MAPRE2: variants seen among roughly 807,000 people sequenced by gnomAD.
MAPRE2 encodes microtubule-associated protein RP/EB family member 2.
Under a neutral mutation model 43.2 loss-of-function variants are expected in MAPRE2, and 13 were observed. The observed-to-expected ratio is 0.30, with a 90% CI of 0.20 to 0.48. MAPRE2 has a LOEUF of 0.48. Ranked by LOEUF, MAPRE2 falls within the 20% of genes least tolerant of loss-of-function variation. The probability of loss-of-function intolerance (pLI) is 0.99; values close to 1 mark genes in which losing one functional copy is unlikely to be tolerated. For synonymous variants in MAPRE2, 135 were observed against 148.8 expected, an observed-to-expected ratio of 0.91 and a Z score of 0.68; for missense variants, 161 against 400.2, an observed-to-expected ratio of 0.40 and a Z score of 5.10.
At chr18:35,033,990 C>G (rs1288445193) in intron 2 of MAPRE2, among the ~76,000 whole-genome samples, 1 of 151,296 alleles carries the variant, frequency 6.6e-6, no homozygotes, top group Non-Finnish European at 1.5e-5. Flanking sequence ...CAATGACTTT[C>G]TTCACAGAAT....
chr18:35,079,589 C>A (rs187153813), intron 2 of MAPRE2, among the ~76,000 whole-genome samples: 2 of 152,292 alleles, frequency 1.3e-5, no homozygotes, highest in Admixed American at 1.3e-4. Context: ...TATAGCCATT[C>A]TAGATCTGCC....
Position 35,140,460 on chromosome 18 carries a change from C to T in MAPRE2, c.*91C>T. 1 of 1,217,930 alleles carries T rather than the reference C, an allele frequency of 8.2e-7. No individual in the cohort carries two copies. Among genetic ancestry groups the T allele is most frequent in the Middle Eastern group, 1.9e-4 (1 of 5,196 alleles). 75.4% of individuals were successfully genotyped at this position (1,217,930 alleles called of 1,614,324 possible). ...TGTGTGGCCCCAAGCTCAACAGAAACCAGTTGTTCCCAATCTGCCGTTACC... is the reference window on the plus strand; with the variant it reads ...TGTGTGGCCCCAAGCTCAACAGAAATCAGTTGTTCCCAATCTGCCGTTACC... On this transcript the variant is annotated 3_prime_UTR_variant, in exon 7 of 7. Transcript: ENST00000300249.
chr18:35,121,886 C>T (rs998215926), intron 4 of MAPRE2, among the ~76,000 whole-genome samples: 1 of 152,052 alleles, frequency 6.6e-6, no homozygotes, highest in Admixed American at 6.5e-5. Flanking sequence ...CAGATGGTAG[C>T]TCACATAAAA....
At chr18:35,119,290 G>T (rs1012915854) in intron 4 of MAPRE2, among the ~76,000 whole-genome samples, 1 of 152,146 alleles carries the variant, frequency 6.6e-6, no homozygotes, top group Non-Finnish European at 1.5e-5. Context: ...ACCCATAGTG[G>T]ATGCTTAGGC....
chr18:35,104,298 G>T (rs1908806742), intron 4 of MAPRE2, among the ~76,000 whole-genome samples: 1 of 152,160 alleles, frequency 6.6e-6, no homozygotes, highest in Admixed American at 6.6e-5. Flanking sequence ...AAGGGCTTGT[G>T]GAAGTGGAGG....
intron 2 of MAPRE2, among the ~76,000 whole-genome samples, chr18:35,036,259 C>G (rs2097050546): frequency 6.6e-6 from 1 of 151,992 alleles, no homozygotes; most frequent in Admixed American, 6.6e-5. Context: ...TGAGTTATAC[C>G]CCATGAATTT....
upstream of MAPRE2, among the ~76,000 whole-genome samples, chr18:35,038,180 C>T (rs1017049962): frequency 1.3e-5 from 2 of 152,164 alleles, no homozygotes; most frequent in Non-Finnish European, 2.9e-5. Context: ...TGTAAAGACA[C>T]TCCCTCCTGA....
Position 35,142,148 on chromosome 18 carries a change from T to C in MAPRE2, c.*1779T>C, listed in dbSNP as rs551340335. ...GACAGCCTGGCTCTCGGCAGTGACGTCCTCCCACACCTGGTCACAAGTAGT... is the reference window on the plus strand; with the variant it reads ...GACAGCCTGGCTCTCGGCAGTGACGCCCTCCCACACCTGGTCACAAGTAGT... On this transcript the variant is annotated 3_prime_UTR_variant, in exon 7 of 7. Coordinates refer to ENST00000300249, the MANE Select transcript of MAPRE2 (RefSeq NM_014268.4). The C allele has an allele frequency of 1.3e-5, 2 of 152,312 alleles. No individual in the cohort carries two copies. Among genetic ancestry groups the C allele is most frequent in the African/African-American group, 4.8e-5 (2 of 41,570 alleles). The allele number at this position is 152,312 out of a possible 1,614,324, so 9.4% of individuals were successfully genotyped here.
Position 35,055,690 on chromosome 18 carries a change from C to T in MAPRE2, c.122+14029C>T, listed in dbSNP as rs149667442. 1.0e-2 allele frequency among the ~76,000 whole-genome samples: 1,521 copies of T among 152,192 alleles called. 24 individuals are homozygous for T. The highest frequency in any genetic ancestry group is 0.035 in the African/African-American group (1,456 of 41,510). On this transcript the variant is annotated intron_variant, in intron 1 of 6. Coordinates refer to ENST00000300249, the MANE Select transcript of MAPRE2 (RefSeq NM_014268.4). ...GTTTAGGGCCAGATGTGGTGGCTCACGCCTGTAATCCTAGCCCTTTGGGAG... is the reference window on the plus strand; with the variant it reads ...GTTTAGGGCCAGATGTGGTGGCTCATGCCTGTAATCCTAGCCCTTTGGGAG...
intron 4 of MAPRE2, among the ~76,000 whole-genome samples, chr18:35,113,949 A>C (rs1909294067): frequency 6.6e-6 from 1 of 152,232 alleles, no homozygotes; most frequent in Non-Finnish European, 1.5e-5. Flanking sequence ...TATTGAGCAC[A>C]TATTAAGTGT....
At chr18:35,109,077 G>T (rs1909049961) in intron 4 of MAPRE2, among the ~76,000 whole-genome samples, 2 of 152,046 alleles carry the variant, frequency 1.3e-5, no homozygotes, top group African/African-American at 4.8e-5. Flanking sequence ...GTATTGCTTA[G>T]GTTTTCTTCT....
rs1354451150 is a variant in MAPRE2 at position 35,049,068 on chromosome 18, A to C, written c.122+7407A>C. ...CTTGTTTTTGTTTTGTTTTGCTTTA[A>C]AGACATTAATTTTTTGTTCTTTATT... is the stretch of plus-strand genomic sequence containing the variant. On this transcript the variant is annotated intron_variant, in intron 1 of 6. Coordinates refer to ENST00000300249, the MANE Select transcript of MAPRE2 (RefSeq NM_014268.4). Among the ~76,000 whole-genome samples the C allele has an allele frequency of 3.9e-5, 6 of 152,082 alleles. No individual in the cohort carries two copies. In the East Asian group the frequency reaches 1.2e-3, roughly 29 times the overall value.
intron 2 of MAPRE2, among the ~76,000 whole-genome samples, chr18:35,081,503 C>T (rs1438523619): frequency 6.6e-6 from 1 of 152,182 alleles, no homozygotes; most frequent in African/African-American, 2.4e-5. Context: ...GCCTTCTGGG[C>T]TTTCTCTGGA....
At chr18:35,036,596 G>A (rs1373553426), upstream of MAPRE2, among the ~76,000 whole-genome samples, 2 of 152,072 alleles carry the variant, frequency 1.3e-5, no homozygotes, top group African/African-American at 4.8e-5. Context: ...CTGTATGTAG[G>A]AATAGTTGCA....
intron 1 of MAPRE2, among the ~76,000 whole-genome samples, chr18:35,044,244 T>A (rs1220049465): frequency 6.6e-6 from 1 of 152,206 alleles, no homozygotes; most frequent in East Asian, 1.9e-4. Flanking sequence ...TCTTTTCTTT[T>A]TTTGCGACAG....
chr18:35,053,167 G>GT, intron 1 of MAPRE2, among the ~76,000 whole-genome samples: 1 of 152,268 alleles, frequency 6.6e-6, no homozygotes, highest in South Asian at 2.1e-4. Context: ...GCTGAGGTGG[G>GT]TGGATCACTT....
intron 2 of MAPRE2, among the ~76,000 whole-genome samples, chr18:35,035,275 C>T (rs1293365846): frequency 6.6e-6 from 1 of 151,512 alleles, no homozygotes; most frequent in Non-Finnish European, 1.5e-5. Flanking sequence ...AAAAACCAAA[C>T]ACCGCATGTT....
chr18:35,040,967 AC>A (rs1333011748), upstream of MAPRE2, among the ~76,000 whole-genome samples: 1 of 152,220 alleles, frequency 6.6e-6, no homozygotes, highest in Admixed American at 6.5e-5. Flanking sequence ...TACCTTTTCT[AC>A]AAGCTGGCCA....
chr18:35,054,417 G>T (rs1906109370), intron 1 of MAPRE2, among the ~76,000 whole-genome samples: 1 of 152,178 alleles, frequency 6.6e-6, no homozygotes, highest in Non-Finnish European at 1.5e-5. Context: ...GATTTCGTGG[G>T]TGCCACTTAT....
Sources: allele counts gnomAD v4.1 joint callset (sites outside exome capture counted in the v4.1 genomes callset), GRCh38; gene constraint gnomAD v4.1.1; transcripts MANE v1.5; gene names NCBI Gene and HGNC (gene_info 2026-07-23, HGNC 2026-07-21).